Variants in DST observed in about 807,000 individuals in gnomAD.
The protein encoded by DST is bullous pemphigoid antigen.
DST carries 253 observed loss-of-function variants against 875.2 expected under a neutral mutation model. The ratio of observed to expected loss-of-function variants is 0.29; its 90% confidence interval spans 0.26 to 0.32. The LOEUF (loss-of-function observed/expected upper bound fraction) is 0.32. Ranked by LOEUF, DST falls within the 10% of genes least tolerant of loss-of-function variation. DST has a pLI of 1.00. For synonymous variants in DST, 3,124 were observed against 3,197.1 expected, an observed-to-expected ratio of 0.98 and a Z score of 0.77; for missense variants, 8,287 against 9,111.6, an observed-to-expected ratio of 0.91 and a Z score of 3.68.
rs545289865 is a variant in DST, at chr6:56,840,906, T to C, written c.625+10491A>G. ...ACTACTCAACAGCTGAGGCATATGA[T>C]AACTTGGCAACCTGATAATATTCTA... is the stretch of plus-strand genomic sequence containing the variant. On this transcript the variant is annotated intron_variant, in intron 4 of 103. Transcript: ENST00000680361. Among the ~76,000 whole-genome samples, 15 of 152,334 alleles carry C rather than the reference T, an allele frequency of 9.8e-5. No individual in the cohort carries two copies. In the East Asian group the frequency reaches 2.9e-3, roughly 29 times the overall value.
intron 5 of DST, among the ~76,000 whole-genome samples, chr6:56,718,518 C>T (rs2099402841): frequency 6.6e-6 from 1 of 152,170 alleles, no homozygotes; most frequent in South Asian, 2.1e-4. Flanking sequence ...AAATGTTAAA[C>T]AAGATCTACC....
intron 4 of DST, among the ~76,000 whole-genome samples, chr6:56,849,389 C>A (rs1763839047): frequency 6.6e-6 from 1 of 152,164 alleles, no homozygotes; most frequent in Non-Finnish European, 1.5e-5. Context: ...CCCACGGGGG[C>A]CTCCCAAAGT....
intron 61 of DST, among the ~76,000 whole-genome samples, chr6:56,545,789 A>G (rs1431714429): frequency 6.6e-6 from 1 of 152,208 alleles, no homozygotes; most frequent in Admixed American, 6.5e-5. Flanking sequence ...TAAACGCACT[A>G]TTATCAATGA....
At position 56,585,099 on chromosome 6, in the gene DST, C is replaced by T. The variant is rs1348521673; in HGVS notation, c.12904-6162G>A. On this transcript the variant is annotated intron_variant, in intron 49 of 103. Coordinates refer to ENST00000680361, the MANE Select transcript of DST (RefSeq NM_001374736.1). ...GCCCGGCTTTGGGATCAGGATGATG[C>T]TGGCCTCATAAAATGAGTTAGGGAG... is the stretch of plus-strand genomic sequence containing the variant. 2.5e-3 allele frequency among the ~76,000 whole-genome samples: 379 copies of T among 152,280 alleles called. 2 individuals are homozygous for T. The highest frequency in any genetic ancestry group is 8.8e-3 in the African/African-American group (366 of 41,532).
At chr6:56,634,981 G>A in intron 24 of DST, 28 bp from the exon 25 acceptor site, 1 of 1,581,858 alleles carries the variant, frequency 6.3e-7, no homozygotes, top group African/African-American at 1.3e-5. Flanking sequence ...TGAATTTTAA[G>A]AAGTAAAAGA....
At position 56,607,260 on chromosome 6, in the gene DST, G is replaced by C; in HGVS notation, c.7368C>G (p.Thr2456=). The C allele has an allele frequency of 6.2e-7, 1 of 1,613,260 alleles. No individual in the cohort carries two copies. Among genetic ancestry groups the C allele is most frequent in the Non-Finnish European group, 8.5e-7 (1 of 1,179,576 alleles). The change falls in exon 40 of 104, where the codon ACC becomes ACG. Residue 2456 remains threonine (T), a synonymous_variant. Coordinates refer to ENST00000680361, the MANE Select transcript of DST (RefSeq NM_001374736.1). ...CACACTTATTTCCATTGCTCTCTGG[G>C]GTGTGTGTATCATTAAAACTTCCCT... ...HSQGSFNDTH[T]PESNGNKCEA...
At chr6:56,761,738 G>T (rs2099617732) in intron 4 of DST, among the ~76,000 whole-genome samples, 1 of 151,632 alleles carries the variant, frequency 6.6e-6, no homozygotes, top group Non-Finnish European at 1.5e-5. Context: ...TCTCACAACT[G>T]TGCTCAAATT....
chr6:56,620,184 C>A (rs1243621115), intron 36 of DST: 2 of 1,613,524 alleles, frequency 1.2e-6, no homozygotes, highest in Non-Finnish European at 1.7e-6. Flanking sequence ...AGTTCTTCCT[C>A]ATTGTCTCTC....
At chr6:56,490,643 G>A (rs2095706459) in intron 85 of DST, among the ~76,000 whole-genome samples, 1 of 152,090 alleles carries the variant, frequency 6.6e-6, no homozygotes, top group Non-Finnish European at 1.5e-5. Context: ...CACATGAATT[G>A]TGAAAGTCAG....
chr6:56,657,210 G>A (rs978925827), intron 10 of DST, among the ~76,000 whole-genome samples: 11 of 151,970 alleles, frequency 7.2e-5, no homozygotes, highest in Admixed American at 2.0e-4. Flanking sequence ...ACAAACAAAA[G>A]CACCCACAAG....
chr6:56,678,433 C>A (rs544659682), intron 9 of DST, among the ~76,000 whole-genome samples: 5 of 152,166 alleles, frequency 3.3e-5, no homozygotes, highest in African/African-American at 1.2e-4. Flanking sequence ...TATCTATGAA[C>A]GGTAGAGGAA....
At chr6:56,603,759 T>A in intron 40 of DST, 46 bp from the exon 41 acceptor site, 1 of 1,578,612 alleles carries the variant, frequency 6.3e-7, no homozygotes, top group Non-Finnish European at 8.6e-7. Context: ...TTTATGCAGA[T>A]GTTTAAAGCA....
Position 56,645,987 on chromosome 6 carries a change from T to C in DST, c.1657A>G (p.Ile553Val). 6.2e-7 allele frequency: 1 copy of C among 1,608,658 alleles called. No homozygotes were observed. Among genetic ancestry groups the C allele is most frequent in the South Asian group, 1.1e-5 (1 of 89,238 alleles). ...KRLYKLLEIW[I>V]EFGRIKLLQG... ...AGGAGCTTGATGCGTCCAAATTCTA[T>C]CCAAATCTTGAGAAAACAAAAAACT... Residue 553 changes from isoleucine (I) to valine (V), a missense_variant, in exon 15 of 104, where the codon ATA (isoleucine) becomes GTA (valine). Coordinates refer to ENST00000680361, the MANE Select transcript of DST (RefSeq NM_001374736.1).
intron 45 of DST, among the ~76,000 whole-genome samples, chr6:56,599,178 G>A (rs80307553): frequency 6.6e-6 from 1 of 152,130 alleles, no homozygotes; most frequent in East Asian, 1.9e-4. Context: ...AATATGTAAT[G>A]TTTGCTTCTT....
chr6:56,517,172 C>T (rs770297381), intron 71 of DST, 26 bp downstream of exon 71: 20 of 1,538,600 alleles, frequency 1.3e-5, no homozygotes, highest in Non-Finnish European at 1.7e-5. Flanking sequence ...AAGAGTCCCA[C>T]TACCAGTCCA....
At chr6:56,565,048 T>C (rs753824353) in intron 55 of DST, among the ~76,000 whole-genome samples, 4 of 152,054 alleles carry the variant, frequency 2.6e-5, no homozygotes, top group Admixed American at 6.6e-5. Context: ...CTCTGCCAGG[T>C]TTTGGTATCA....
chr6:56,938,108 C>CTCTCTCTCTCTCTCTCTCTATATA (rs1383243392), intron 2 of DST, among the ~76,000 whole-genome samples: 18 of 120,748 alleles, frequency 1.5e-4, no homozygotes, highest in African/African-American at 4.5e-4. Flanking sequence ...CTCTCTCTCT[C>CTCTCTCTCTCTCTCTCTCTATATA]TATATATATA....
At chr6:56,636,474 T>C in intron 23 of DST, 83 bp downstream of exon 23, 1 of 1,060,162 alleles carries the variant, frequency 9.4e-7, no homozygotes, top group South Asian at 1.3e-5. Flanking sequence ...ATTGTTATCC[T>C]AACAATAAAT....
intron 4 of DST, among the ~76,000 whole-genome samples, chr6:56,763,001 C>G (rs990531748): frequency 1.3e-5 from 2 of 151,966 alleles, no homozygotes; most frequent in Admixed American, 6.6e-5. Flanking sequence ...AAGCCATGTG[C>G]CACCACACCC....
Sources: allele counts gnomAD v4.1 joint callset (sites outside exome capture counted in the v4.1 genomes callset), GRCh38; gene constraint gnomAD v4.1.1; transcripts MANE v1.5; gene names NCBI Gene and HGNC (gene_info 2026-07-23, HGNC 2026-07-21).